MRE11: variants seen among roughly 807,000 people sequenced by gnomAD.
MRE11 encodes double-strand break repair protein MRE11.
A neutral mutation model predicts 91.7 loss-of-function variants in MRE11; 62 were observed. That is an observed-to-expected ratio of 0.68 (90% CI 0.55 to 0.84). The LOEUF (loss-of-function observed/expected upper bound fraction) is 0.84. MRE11 is among the 40% of genes least tolerant of loss of function. The pLI is 0.00. For synonymous variants in MRE11, 273 were observed against 271.4 expected (o/e 1.01, Z -0.06); for missense variants, 796 against 852.9 (o/e 0.93, Z 0.83).
chr11:94,510,392 C>T, the MRE11 span, among the ~76,000 whole-genome samples: 2 of 152,250 alleles, frequency 1.3e-5, no homozygotes, highest in East Asian at 1.9e-4. Flanking sequence ...TCTGTGAGAA[C>T]TAACAAATGA....
chr11:94,477,011 C>T (rs777282186), intron 6 of MRE11, among the ~76,000 whole-genome samples: 14 of 152,182 alleles, frequency 9.2e-5, no homozygotes, highest in African/African-American at 1.4e-4. Context: ...TGTGCCAGCA[C>T]GCCTGGCCTG....
chr11:94,441,959 C>A (rs779992693), intron 16 of MRE11, among the ~76,000 whole-genome samples: 5 of 114,118 alleles, frequency 4.4e-5, no homozygotes, highest in Non-Finnish European at 4.9e-5. Context: ...GCCTAGGCGA[C>A]AGAGAGAGAC....
chr11:94,488,284 A>G (rs1947193836), intron 3 of MRE11, among the ~76,000 whole-genome samples: 1 of 152,210 alleles, frequency 6.6e-6, no homozygotes, highest in Non-Finnish European at 1.5e-5. Flanking sequence ...ACATTCTATT[A>G]TTGAAAAGTC....
intron 4 of MRE11, among the ~76,000 whole-genome samples, chr11:94,482,574 G>A (rs988588233): frequency 6.6e-6 from 1 of 152,164 alleles, no homozygotes; most frequent in African/African-American, 2.4e-5. Context: ...TATATAGGGT[G>A]GGGAAACAGT....
chr11:94,436,939 C>T (rs1192454811), intron 17 of MRE11, among the ~76,000 whole-genome samples: 4 of 151,908 alleles, frequency 2.6e-5, no homozygotes, highest in Admixed American at 2.0e-4. Context: ...TCCTTGAAAA[C>T]ATTACTGTAT....
chr11:94,438,401 A>G (rs192395013), intron 16 of MRE11, among the ~76,000 whole-genome samples: 1 of 152,300 alleles, frequency 6.6e-6, no homozygotes, highest in East Asian at 1.9e-4. Context: ...TCTGTCCCCA[A>G]ACTTGTAATA....
Position 94,435,872 on chromosome 11 carries a change from C to T in MRE11, c.1954G>A (p.Glu652Lys). Reference protein sequence around the residue: ...EVIEVDESDVEEDIFPTTSKT... With the variant: ...EVIEVDESDVKEDIFPTTSKT... ...GAAGTGGTAGGAAAAATGTCTTCTT[C>T]CACATCTGATTCATCTACCTCAATC... Residue 652 changes from glutamate to lysine, a missense_variant, in exon 18 of 20, where the codon GAA becomes AAA. Glu to Lys is a moderately conservative substitution (Grantham distance 56). Transcript: ENST00000323929. 1 of 1,613,828 alleles carries T rather than the reference C, an allele frequency of 6.2e-7. No individual in the cohort carries two copies. The highest frequency in any genetic ancestry group is 8.5e-7 in the Non-Finnish European group (1 of 1,179,942).
chr11:94,509,036 T>A, the MRE11 span, among the ~76,000 whole-genome samples: 1 of 152,154 alleles, frequency 6.6e-6, no homozygotes, highest in Non-Finnish European at 1.5e-5. Context: ...CTACATTTAC[T>A]TTCTAATTTT....
At chr11:94,460,831 A>G (rs1170881595) in intron 12 of MRE11, 105 bp downstream of exon 12, 4 of 946,762 alleles carry the variant, frequency 4.2e-6, no homozygotes, top group African/African-American at 1.6e-5. Context: ...TCATAGAAAC[A>G]TTTTGAGGAT....
At chr11:94,427,608 G>T (rs970385929) in intron 19 of MRE11, among the ~76,000 whole-genome samples, 1 of 152,038 alleles carries the variant, frequency 6.6e-6, no homozygotes. Context: ...CTCTCTCTTT[G>T]CTGACGATAT....
In MRE11 at chr11:94,435,325, T is replaced by C. The variant is rs556727659; in HGVS notation, c.1994+507A>G. ...ATCCAGGCACTTTGGGAGGTCGAGGTGGGTGGATCGCCTGAGCTCAGGAGT... is the reference window on the plus strand; with the variant it reads ...ATCCAGGCACTTTGGGAGGTCGAGGCGGGTGGATCGCCTGAGCTCAGGAGT... On this transcript the variant is annotated intron_variant, in intron 18 of 19. Transcript: ENST00000323929. Among the ~76,000 whole-genome samples the C allele has an allele frequency of 1.8e-3, 271 of 152,036 alleles. 1 individual carries two copies. Among genetic ancestry groups the C allele is most frequent in the Admixed American group, 5.2e-3 (79 of 15,268 alleles).
the MRE11 span, among the ~76,000 whole-genome samples, chr11:94,506,744 C>T: frequency 1.3e-3 from 201 of 151,882 alleles, 1 homozygote; most frequent in African/African-American, 3.6e-3. Flanking sequence ...CAAGCCACCA[C>T]GCCGAGCTAA....
At chr11:94,505,171 A>T in the MRE11 span, among the ~76,000 whole-genome samples, 1 of 152,228 alleles carries the variant, frequency 6.6e-6, no homozygotes, top group African/African-American at 2.4e-5. Context: ...TGTATTTACT[A>T]TAATATACTT....
intron 8 of MRE11, 87 bp from the exon 9 acceptor site, chr11:94,470,729 C>T: frequency 7.6e-7 from 1 of 1,317,708 alleles, no homozygotes; most frequent in Non-Finnish European, 1.1e-6. Context: ...TTCTTAGTTT[C>T]TAAAAATGCT....
upstream of MRE11, among the ~76,000 whole-genome samples, chr11:94,494,336 C>A (rs1288376209): frequency 1.3e-5 from 2 of 152,204 alleles, no homozygotes; most frequent in Non-Finnish European, 2.9e-5. Flanking sequence ...TCCTTGAGTT[C>A]AGCACATCTG....
intron 3 of MRE11, among the ~76,000 whole-genome samples, chr11:94,489,823 T>C (rs1591725152): frequency 6.6e-6 from 1 of 152,198 alleles, no homozygotes; most frequent in Admixed American, 6.5e-5. Flanking sequence ...ACTCTAAGTT[T>C]GTCGAAATCA....
intron 8 of MRE11, 34 bp from the exon 9 acceptor site, chr11:94,470,676 T>C (rs1946683890): frequency 1.9e-6 from 3 of 1,609,734 alleles, no homozygotes; most frequent in African/African-American, 2.7e-5. Flanking sequence ...CGAGTCACAG[T>C]GTAAATTTCC....
chr11:94,487,418 A>G (rs1179772072), intron 3 of MRE11, among the ~76,000 whole-genome samples: 1 of 152,236 alleles, frequency 6.6e-6, no homozygotes, highest in African/African-American at 2.4e-5. Flanking sequence ...TACCACTTAT[A>G]GCCAATTTGA....
At chr11:94,466,460 A>G (rs749564035) in intron 10 of MRE11, 6 of 529,584 alleles carry the variant, frequency 1.1e-5, no homozygotes, top group Admixed American at 5.8e-5. Context: ...TGCAACAGAC[A>G]CTATTTAATC....
Sources: allele counts gnomAD v4.1 joint callset (sites outside exome capture counted in the v4.1 genomes callset), GRCh38; gene constraint gnomAD v4.1.1; transcripts MANE v1.5; gene names NCBI Gene and HGNC (gene_info 2026-07-23, HGNC 2026-07-21).